TP53BP1: variants seen among roughly 807,000 people sequenced by gnomAD.
TP53BP1 encodes the protein tumor protein p53 binding protein 1.
A neutral mutation model predicts 200.8 loss-of-function variants in TP53BP1; 61 were observed. That is an observed-to-expected ratio of 0.30 (90% CI 0.25 to 0.38). The LOEUF (loss-of-function observed/expected upper bound fraction) is 0.38. TP53BP1 is among the 10% of genes least tolerant of loss of function. The pLI is 1.00. For missense variants in TP53BP1, 2,144 were observed against 2,371.9 expected, an observed-to-expected ratio of 0.90 and a Z score of 2.00; for synonymous variants, 822 against 844.3, an observed-to-expected ratio of 0.97 and a Z score of 0.46.
Position 43,403,852 on chromosome 15 carries a change from C to A in TP53BP1, c.*3531G>T. 1 of 1,307,584 alleles carries A rather than the reference C, an allele frequency of 7.6e-7. No homozygotes were observed. Among genetic ancestry groups the A allele is most frequent in the Non-Finnish European group, 1.1e-6 (1 of 902,698 alleles). 81.0% of individuals were successfully genotyped at this position (1,307,584 alleles called of 1,614,324 possible). A position where few individuals can be genotyped will look rare whatever the true frequency, so the allele number is the denominator to read the frequency against. ...TGCCGAAAGGACAGAGGTGGTTTTG[C>A]CAATGGAGAATTCATGATCTTTCCT... On this transcript the variant is annotated 3_prime_UTR_variant, in exon 28 of 28. Transcript: ENST00000382044.
chr15:43,438,506 T>C, intron 15 of TP53BP1, 90 bp from the exon 16 acceptor site: 1 of 1,096,246 alleles, frequency 9.1e-7, no homozygotes, highest in Non-Finnish European at 1.3e-6. Context: ...GGAAATAAAA[T>C]GCTTTCTCTG....
At chr15:43,498,470 A>C (rs1233199418) in intron 1 of TP53BP1, among the ~76,000 whole-genome samples, 1 of 152,248 alleles carries the variant, frequency 6.6e-6, no homozygotes, top group East Asian at 1.9e-4. Context: ...GATCATGAGA[A>C]AAAATCAGAT....
At chr15:43,501,798 C>T (rs1255573189) in intron 1 of TP53BP1, among the ~76,000 whole-genome samples, 1 of 152,196 alleles carries the variant, frequency 6.6e-6, no homozygotes, top group African/African-American at 2.4e-5. Context: ...TTTTTCATTG[C>T]TCAGCAACAT....
chr15:43,422,886 T>C (rs184198756), intron 18 of TP53BP1, among the ~76,000 whole-genome samples: 81 of 151,664 alleles, frequency 5.3e-4, no homozygotes, highest in African/African-American at 1.5e-3. Context: ...TCCCAGCTAC[T>C]TGGGAGGCTG....
chr15:43,445,879 G>A (rs1420990424), intron 14 of TP53BP1, among the ~76,000 whole-genome samples: 1 of 152,140 alleles, frequency 6.6e-6, no homozygotes, highest in African/African-American at 2.4e-5. Flanking sequence ...ATGCACAAAA[G>A]CACAAGGTTT....
Position 43,415,622 on chromosome 15 carries a change from T to G in TP53BP1, c.5061A>C (p.Arg1687=), listed in dbSNP as rs142923625. The change falls in exon 23 of 28, where the codon CGA becomes CGC. Residue 1687 remains arginine (R), a synonymous_variant. Transcript: ENST00000382044. The part of the protein sequence containing the change: ...TSEEERSPAK[R]GRKSATVKPG... ...GTTTTACTGTGGCAGACTTGCGACC[T>G]CGCTTGGCAGGGGACCGTTCCTCTT... The G allele has an allele frequency of 6.2e-7, 1 of 1,614,224 alleles. No homozygotes were observed. Among genetic ancestry groups the G allele is most frequent in the Non-Finnish European group, 8.5e-7 (1 of 1,180,036 alleles).
intron 24 of TP53BP1, chr15:43,412,806 T>C (rs1315342367): frequency 6.1e-6 from 3 of 489,764 alleles, no homozygotes; most frequent in East Asian, 6.3e-5. Context: ...TTGTCATTAT[T>C]GTGGACAAAA....
intron 21 of TP53BP1, among the ~76,000 whole-genome samples, chr15:43,419,556 T>C (rs1434694050): frequency 2.1e-5 from 3 of 142,176 alleles, no homozygotes; most frequent in African/African-American, 8.1e-5. Context: ...TTTTTTTTTT[T>C]TTTTTTTTGA....
At chr15:43,510,305 G>A (rs1027873627) in intron 1 of TP53BP1, 1 of 152,230 alleles carries the variant, frequency 6.6e-6, no homozygotes, top group Non-Finnish European at 1.5e-5. Flanking sequence ...CATTGCACTC[G>A]AGTCCTGCAC....
chr15:43,481,066 G>A (rs2078957905), intron 4 of TP53BP1, 44 bp from the exon 5 acceptor site: 11 of 1,612,308 alleles, frequency 6.8e-6, no homozygotes, highest in Non-Finnish European at 9.3e-6. Flanking sequence ...AGATAGTTTG[G>A]GACACTTTAA....
chr15:43,472,460 C>T (rs1464573666), intron 10 of TP53BP1, among the ~76,000 whole-genome samples: 2 of 152,086 alleles, frequency 1.3e-5, no homozygotes, highest in African/African-American at 2.4e-5. Context: ...GCAAAAGAAG[C>T]TTAAATAATG....
At chr15:43,480,137 C>G in intron 5 of TP53BP1, 120 bp from the exon 6 acceptor site, 1 of 867,044 alleles carries the variant, frequency 1.2e-6, no homozygotes, top group East Asian at 2.7e-5. Context: ...TGTGCACCCC[C>G]CAAATTTTTC....
chr15:43,435,267 CAAAA>C lies in TP53BP1; in HGVS notation c.3192-2594_3192-2591del, dbSNP rs377275791. Among the ~76,000 whole-genome samples the C allele has an allele frequency of 3.2e-3, 180 of 55,680 alleles. 2 individuals are homozygous for C. In the South Asian group the frequency reaches 0.038, roughly 12 times the overall value. 36.5% of individuals were successfully genotyped at this position (55,680 alleles called of 152,430 possible). A position where few individuals can be genotyped will look rare whatever the true frequency, so the allele number is the denominator to read the frequency against. On this transcript the variant is annotated intron_variant, in intron 16 of 27. Transcript: ENST00000382044. ...TGACACACAGACCAAGACCCCATCT[CAAAA>C]AAAAAAAAAAAAAAAAAAAAATCCA...
intron 10 of TP53BP1, among the ~76,000 whole-genome samples, chr15:43,471,601 T>C (rs1049958778): frequency 7.9e-5 from 12 of 152,118 alleles, no homozygotes; most frequent in Non-Finnish European, 1.8e-4. Context: ...TAATTTTTTA[T>C]ATTTTTAGTA....
chr15:43,465,315 G>A (rs144746156), intron 11 of TP53BP1, among the ~76,000 whole-genome samples: 27 of 152,150 alleles, frequency 1.8e-4, no homozygotes, highest in Admixed American at 5.2e-4. Context: ...TCATGGTGAT[G>A]GTTGCACAAC....
intron 10 of TP53BP1, 26 bp from the exon 11 acceptor site, chr15:43,470,092 T>C: frequency 6.4e-7 from 1 of 1,571,416 alleles, no homozygotes; most frequent in South Asian, 1.1e-5. Context: ...AGAAACAAAT[T>C]GAGAAATATC....
intron 4 of TP53BP1, among the ~76,000 whole-genome samples, chr15:43,482,834 G>A (rs1427824422): frequency 6.6e-6 from 1 of 152,148 alleles, no homozygotes; most frequent in South Asian, 2.1e-4. Context: ...GGAGGCTGAA[G>A]CAGGAGAATC....
upstream of TP53BP1, chr15:43,493,169 C>A (rs1029955686): frequency 2.2e-5 from 34 of 1,533,138 alleles, no homozygotes; most frequent in Non-Finnish European, 2.6e-5. Flanking sequence ...CCTTTCCCGT[C>A]ACGTCACACA....
At chr15:43,505,082 T>C (rs2140183954) in intron 1 of TP53BP1, among the ~76,000 whole-genome samples, 1 of 152,186 alleles carries the variant, frequency 6.6e-6, no homozygotes, top group East Asian at 1.9e-4. Flanking sequence ...GGAGGTAATG[T>C]TGGAAAGGGA....
Sources: gnomAD v4.1 joint callset for allele counts (sites outside exome capture counted in the v4.1 genomes callset) on GRCh38, gnomAD v4.1.1 for gene constraint, MANE v1.5 for transcripts, NCBI Gene and HGNC (gene_info 2026-07-23, HGNC 2026-07-21) for gene names.